Variants in MAT1A observed in about 807,000 individuals in gnomAD.
The protein encoded by MAT1A is S-adenosylmethionine synthase isoform type-1.
In MAT1A, 19 loss-of-function variants were observed where a neutral mutation model predicts 44.0. That is an observed-to-expected ratio of 0.43 (90% CI 0.30 to 0.63). The LOEUF (loss-of-function observed/expected upper bound fraction) is 0.63. Among genes scored for constraint, MAT1A ranks in the 30% least tolerant of loss-of-function variants. The pLI is 0.12. For synonymous variants in MAT1A, 205 were observed against 205.6 expected (o/e 1.00, Z 0.03); for missense variants, 397 against 531.0 (o/e 0.75, Z 2.48).
Position 80,284,095 on chromosome 10 carries a change from T to G in MAT1A, c.170-57A>C, listed in dbSNP as rs556819861. 1.3e-5 allele frequency: 21 copies of G among 1,599,780 alleles called. No individual in the cohort carries two copies. In the East Asian group the frequency reaches 4.3e-4, roughly 33 times the overall value. The stretch of plus-strand genomic sequence containing the variant: ...CAGCCAAGTGCCAGCAAAGGGAAGC[T>G]CACATTCCCAGACCTCTCACAGTGC... On this transcript the variant is annotated intron_variant, in intron 2 of 8. Transcript: ENST00000372213.
At chr10:80,282,650 A>AC (rs1270355204) in intron 3 of MAT1A, among the ~76,000 whole-genome samples, 1 of 152,178 alleles carries the variant, frequency 6.6e-6, no homozygotes, top group African/African-American at 2.4e-5. Context: ...GACCAGGAGA[A>AC]TTAACTGGTT....
At chr10:80,285,234 A>G (rs116852302) in intron 2 of MAT1A, among the ~76,000 whole-genome samples, 563 of 152,324 alleles carry the variant, frequency 3.7e-3, no homozygotes, top group Non-Finnish European at 6.2e-3. Flanking sequence ...CAAGCATCAG[A>G]AAGGCCATGT....
At chr10:80,287,450 A>G (rs767608916) in intron 1 of MAT1A, among the ~76,000 whole-genome samples, 2 of 152,220 alleles carry the variant, frequency 1.3e-5, no homozygotes, top group Non-Finnish European at 2.9e-5. Flanking sequence ...CCTAGCCTCC[A>G]TGGAAACTGA....
rs756880092 is a variant in MAT1A at position 80,274,534 on chromosome 10, C to T, written c.1071G>A (p.Pro357=). ...DVVHKNFDLR[P]GVIVRDLDLK... ...TGGCACTTTACCTGACAATGACGCC[C>T]GGCCGGAGGTCGAAGTTCTTATGCA... is the stretch of plus-strand genomic sequence containing the variant. The change falls in exon 8 of 9, where the codon CCG becomes CCA. Residue 357 remains proline, a synonymous_variant. Coordinates refer to ENST00000372213, the MANE Select transcript of MAT1A (RefSeq NM_000429.3). 8.7e-6 allele frequency: 14 copies of T among 1,614,036 alleles called. No individual in the cohort carries two copies. Among genetic ancestry groups the T allele is most frequent in the South Asian group, 4.4e-5 (4 of 91,076 alleles).
chr10:80,280,600 C>T, intron 4 of MAT1A, 80 bp downstream of exon 4: 1 of 1,244,578 alleles, frequency 8.0e-7, no homozygotes, highest in Middle Eastern at 1.9e-4. Context: ...AAGAATCCAC[C>T]CCTCAGTGTG....
chr10:80,283,926 G>A lies in MAT1A; in HGVS notation c.282C>T (p.Asp94=), dbSNP rs1841605346. Reference sequence around the variant, plus strand: ...GAGGCCTGCCCTCACCCTTGGCTGAGTCATCGTAGCCGATGTGCTTGATGG... The same window carrying A: ...GAGGCCTGCCCTCACCCTTGGCTGAATCATCGTAGCCGATGTGCTTGATGG... The part of the protein sequence containing the change: ...RDTIKHIGYD[D]SAKGFDFKTC... The change falls in exon 3 of 9, where the codon GAC becomes GAT. Residue 94 remains aspartate, a synonymous_variant. Transcript: ENST00000372213. The A allele has an allele frequency of 6.2e-7, 1 of 1,614,048 alleles. No homozygotes were observed. The highest frequency in any genetic ancestry group is 1.7e-5 in the Admixed American group (1 of 60,014).
intron 2 of MAT1A, 91 bp downstream of exon 2, chr10:80,285,421 A>G: frequency 9.6e-7 from 1 of 1,038,796 alleles, no homozygotes; most frequent in South Asian, 1.3e-5. Context: ...TTTGGAACTG[A>G]GGAGTATGGC....
At chr10:80,275,253 A>G (rs1841471019) in intron 6 of MAT1A, 54 bp from the exon 7 acceptor site, 2 of 1,466,096 alleles carry the variant, frequency 1.4e-6, no homozygotes, top group South Asian at 2.3e-5. Context: ...TAGATGCTGG[A>G]GGGGGCTGAA....
At chr10:80,273,970 G>T in intron 8 of MAT1A, 87 bp from the exon 9 acceptor site, 1 of 941,702 alleles carries the variant, frequency 1.1e-6, no homozygotes, top group Non-Finnish European at 1.8e-6. Context: ...AGGGAGCAAC[G>T]AACTGTAACA....
chr10:80,274,004 G>C (rs572915444), intron 8 of MAT1A, 121 bp from the exon 9 acceptor site: 10 of 769,144 alleles, frequency 1.3e-5, no homozygotes, highest in Non-Finnish European at 2.3e-5. Flanking sequence ...ATGGCACTAC[G>C]CCTCCCCACC....
chr10:80,280,770 G>A lies in MAT1A; in HGVS notation c.315C>T (p.Asn105=), dbSNP rs758289013. ...SAKGFDFKTC[N]VLVALEQQSP... ...ATTGCTGCTCCAAAGCCACCAGCAC[G>A]TTGCAAGTCTTGAAGTCAAAGCCTA... Residue 105 remains asparagine, a synonymous_variant, in exon 4 of 9, where the codon AAC becomes AAT. Transcript: ENST00000372213. 9 of 1,614,048 alleles carry A rather than the reference G, an allele frequency of 5.6e-6. No homozygotes were observed. The highest frequency in any genetic ancestry group is 1.7e-5 in the Admixed American group (1 of 60,006).
At chr10:80,277,360 C>T (rs545998399) in intron 5 of MAT1A, among the ~76,000 whole-genome samples, 30 of 152,300 alleles carry the variant, frequency 2.0e-4, no homozygotes, top group Admixed American at 1.4e-3. Context: ...CTCTACCTCC[C>T]CAAGGCTACT....
chr10:80,276,563 G>A lies in MAT1A; in HGVS notation c.581C>T (p.Ala194Val). 6.2e-7 allele frequency: 1 copy of A among 1,613,222 alleles called. No individual in the cohort carries two copies. Among genetic ancestry groups the A allele is most frequent in the Non-Finnish European group, 8.5e-7 (1 of 1,180,030 alleles). Residue 194 changes from alanine (A) to valine (V), a missense_variant, in exon 6 of 9, where the codon GCA becomes GTA. Ala to Val is a moderately conservative substitution (Grantham distance 64). Coordinates refer to ENST00000372213, the MANE Select transcript of MAT1A (RefSeq NM_000429.3). ...GGTGTGGATGCGCACAGGGATGACT[G>A]CGCCATTGTCCTGCATGTACTGAAC... ...VTVQYMQDNG[A>V]VIPVRIHTIV...
At chr10:80,275,292 C>T in intron 6 of MAT1A, 93 bp from the exon 7 acceptor site, 1 of 1,149,028 alleles carries the variant, frequency 8.7e-7, no homozygotes, top group Non-Finnish European at 1.3e-6. Flanking sequence ...AACTGCAACT[C>T]AGGAAGGATG....
chr10:80,289,488 GTT>G lies in MAT1A; in HGVS notation c.-67_-66del, dbSNP rs367639318. 4.5e-6 allele frequency: 5 copies of G among 1,103,982 alleles called. No homozygotes were observed. The Admixed American group carries it at 5.7e-5, about 13-fold the overall frequency. The allele number at this position is 1,103,982 out of a possible 1,614,324, so 68.4% of individuals were successfully genotyped here. On this transcript the variant is annotated 5_prime_UTR_variant, in exon 1 of 9. Coordinates refer to ENST00000372213, the MANE Select transcript of MAT1A (RefSeq NM_000429.3). ...ATTTTGAGGCTGTGACTTTGCCTGA[GTT>G]TTTTTTTCTTCTTCTTCTTCTTCTT...
chr10:80,273,665 G>C lies in MAT1A; in HGVS notation c.*116C>G. 3 of 804,530 alleles carry C rather than the reference G, an allele frequency of 3.7e-6. No individual in the cohort carries two copies. The highest frequency in any genetic ancestry group is 4.5e-6 in the Non-Finnish European group (2 of 445,772). The allele number at this position is 804,530 out of a possible 1,614,324, so 49.8% of individuals were successfully genotyped here. On this transcript the variant is annotated 3_prime_UTR_variant, in exon 9 of 9. Transcript: ENST00000372213. Reference sequence around the variant, plus strand: ...AGGACAGGCTAAATGAGAGGGACCTGGCTTTGCCCTGAGGGTTGGTGGGTG... The same window carrying C: ...AGGACAGGCTAAATGAGAGGGACCTCGCTTTGCCCTGAGGGTTGGTGGGTG...
chr10:80,284,098 C>T, intron 2 of MAT1A, 60 bp from the exon 3 acceptor site: 1 of 1,595,158 alleles, frequency 6.3e-7, no homozygotes, highest in Non-Finnish European at 8.5e-7. Context: ...GGGAAGCTCA[C>T]ATTCCCAGAC....
At chr10:80,281,321 G>T (rs930469094) in intron 3 of MAT1A, among the ~76,000 whole-genome samples, 1 of 152,142 alleles carries the variant, frequency 6.6e-6, no homozygotes, top group African/African-American at 2.4e-5. Flanking sequence ...GACTCCCCAA[G>T]CCAGGGTCCT....
At chr10:80,287,285 T>C (rs1841661554) in intron 1 of MAT1A, among the ~76,000 whole-genome samples, 1 of 152,274 alleles carries the variant, frequency 6.6e-6, no homozygotes, top group Non-Finnish European at 1.5e-5. Context: ...TGTTTCTGAA[T>C]TGTTTTTGTT....
Sources: allele counts gnomAD v4.1 joint callset (sites outside exome capture counted in the v4.1 genomes callset), GRCh38; gene constraint gnomAD v4.1.1; transcripts MANE v1.5; gene names NCBI Gene and HGNC (gene_info 2026-07-23, HGNC 2026-07-21).